TRAF3: variants seen among roughly 807,000 people sequenced by gnomAD.
The protein encoded by TRAF3 is TNF receptor-associated factor 3.
A neutral mutation model predicts 62.3 loss-of-function variants in TRAF3; 13 were observed. The observed-to-expected ratio is 0.21, with a 90% CI of 0.14 to 0.33. The LOEUF (loss-of-function observed/expected upper bound fraction) is 0.33, where lower values mean the gene tolerates loss of function less well. TRAF3 is among the 10% of genes least tolerant of loss of function. The pLI, the probability that TRAF3 is intolerant of heterozygous loss-of-function variation, is 1.00. For synonymous variants in TRAF3, 269 were observed against 283.4 expected (o/e 0.95, Z 0.51); for missense variants, 440 against 741.8 (o/e 0.59, Z 4.73).
rs558424969 is a variant in TRAF3 at position 102,813,641 on chromosome 14, G to A, written c.-156-16693G>A. On this transcript the variant is annotated intron_variant, in intron 1 of 11. Coordinates refer to ENST00000392745, the MANE Select transcript of TRAF3 (RefSeq NM_145725.3). ...AATTTTTGTATTTTTAATAGAGATG[G>A]GAGTTTGCCATGTTGGCCAGGCTGG... Among the ~76,000 whole-genome samples the A allele has an allele frequency of 4.6e-5, 7 of 151,870 alleles. No homozygotes were observed. The East Asian group carries it at 7.8e-4, about 17-fold the overall frequency.
chr14:102,824,025 T>C (rs1036959600), intron 1 of TRAF3, among the ~76,000 whole-genome samples: 1 of 152,242 alleles, frequency 6.6e-6, no homozygotes, highest in African/African-American at 2.4e-5. Flanking sequence ...GTTTGGGTTG[T>C]TTCTACTTTT....
chr14:102,815,183 C>T (rs1899440847), intron 1 of TRAF3, among the ~76,000 whole-genome samples: 1 of 152,134 alleles, frequency 6.6e-6, no homozygotes, highest in Non-Finnish European at 1.5e-5. Context: ...AAGCAGTTCT[C>T]CTGCTTCAGC....
chr14:102,886,257 C>T lies in TRAF3; in HGVS notation c.639C>T (p.Leu213=), dbSNP rs761996879. The T allele has an allele frequency of 6.2e-7, 1 of 1,611,818 alleles. No homozygotes were observed. Among genetic ancestry groups the T allele is most frequent in the Non-Finnish European group, 8.5e-7 (1 of 1,179,696 alleles). The change falls in exon 7 of 12, where the codon CTC becomes CTT. Residue 213 remains leucine (L), a synonymous_variant. Coordinates refer to ENST00000392745, the MANE Select transcript of TRAF3 (RefSeq NM_145725.3). ...CTCACAAGTGCAGCGTCCAGACTCT[C>T]CTGAGGAGCGAGGTAGGGGCGGCCG... ...SCPHKCSVQT[L]LRSELSAHLS...
intron 2 of TRAF3, among the ~76,000 whole-genome samples, chr14:102,837,137 TG>T (rs1174380287): frequency 7.4e-6 from 1 of 134,772 alleles, no homozygotes; most frequent in East Asian, 2.0e-4. Context: ...TGTGTGTGTG[TG>T]TGTGTTTTTT....
chr14:102,827,508 T>C (rs2180393), intron 1 of TRAF3, among the ~76,000 whole-genome samples: 60,376 of 152,142 alleles, frequency 0.4, 16,141 homozygotes, highest in African/African-American at 0.76. Flanking sequence ...TATTCTTAAA[T>C]ATTTTGTGCA....
intron 1 of TRAF3, among the ~76,000 whole-genome samples, chr14:102,830,088 C>A (rs1223765731): frequency 6.6e-6 from 1 of 152,210 alleles, no homozygotes; most frequent in African/African-American, 2.4e-5. Context: ...GGCCTGAGGT[C>A]GGAAGGTTGG....
At chr14:102,839,852 C>G (rs1886270040) in intron 2 of TRAF3, among the ~76,000 whole-genome samples, 3 of 152,196 alleles carry the variant, frequency 2.0e-5, no homozygotes, top group African/African-American at 7.2e-5. Flanking sequence ...ACATTCCCTA[C>G]TGTTAGCTGC....
chr14:102,899,356 A>G (rs1890162254), intron 10 of TRAF3, among the ~76,000 whole-genome samples: 2 of 152,000 alleles, frequency 1.3e-5, no homozygotes, highest in Non-Finnish European at 2.9e-5. Context: ...GGCCCCGCCT[A>G]CCCTCTTGAG....
intron 1 of TRAF3, among the ~76,000 whole-genome samples, chr14:102,795,555 T>C (rs894121150): frequency 6.8e-6 from 1 of 147,806 alleles, no homozygotes; most frequent in Admixed American, 6.9e-5. Context: ...GTTATATATA[T>C]ACACACACAT....
chr14:102,884,655 C>CA (rs1889259236), intron 6 of TRAF3, among the ~76,000 whole-genome samples: 2 of 151,854 alleles, frequency 1.3e-5, no homozygotes, highest in Non-Finnish European at 2.9e-5. Context: ...ACTAAAAATA[C>CA]AAAAAATTAG....
At chr14:102,892,663 G>T (rs183292698) in intron 9 of TRAF3, among the ~76,000 whole-genome samples, 1 of 152,236 alleles carries the variant, frequency 6.6e-6, no homozygotes. Flanking sequence ...TTTGAGTTTC[G>T]TAAAGATTTG....
At chr14:102,801,705 AAAAAAAATTTTTAATT>A (rs1898423739) in intron 1 of TRAF3, among the ~76,000 whole-genome samples, 1 of 151,834 alleles carries the variant, frequency 6.6e-6, no homozygotes, top group Admixed American at 6.6e-5. Context: ...TGCTTAATTT[AAAAAAAATTTTTAATT>A]AAAAAAATTT....
chr14:102,844,873 C>T (rs1011874129), intron 2 of TRAF3, among the ~76,000 whole-genome samples: 2 of 149,826 alleles, frequency 1.3e-5, no homozygotes, highest in Non-Finnish European at 3.0e-5. Flanking sequence ...AGACTCCCAC[C>T]TCTAAAAAAA....
At chr14:102,876,213 A>T (rs900973923) in intron 5 of TRAF3, 145 bp from the exon 6 acceptor site, 1 of 804,164 alleles carries the variant, frequency 1.2e-6, no homozygotes, top group Non-Finnish European at 2.1e-6. Flanking sequence ...CTCTTGGCAT[A>T]CTTGTTACTC....
intron 2 of TRAF3, among the ~76,000 whole-genome samples, chr14:102,833,333 C>CT (rs1389810384): frequency 2.6e-5 from 4 of 152,090 alleles, no homozygotes; most frequent in Non-Finnish European, 5.9e-5. Flanking sequence ...ACCAAGAAAT[C>CT]TTTTTTTTCT....
At chr14:102,858,380 C>T (rs1887499369) in intron 2 of TRAF3, among the ~76,000 whole-genome samples, 1 of 152,114 alleles carries the variant, frequency 6.6e-6, no homozygotes, top group South Asian at 2.1e-4. Flanking sequence ...CTCGAACTCC[C>T]AACCTCAGGT....
chr14:102,786,684 T>TAAA (rs563626261), intron 1 of TRAF3, among the ~76,000 whole-genome samples: 1 of 148,294 alleles, frequency 6.7e-6, no homozygotes, highest in Non-Finnish European at 1.5e-5. Context: ...TAAAACTGTC[T>TAAA]AAAAAAAAAA....
At chr14:102,839,584 A>C (rs1412185781) in intron 2 of TRAF3, among the ~76,000 whole-genome samples, 4 of 152,172 alleles carry the variant, frequency 2.6e-5, no homozygotes, top group Non-Finnish European at 5.9e-5. Context: ...CAGTGAAGAA[A>C]TTGACTTGGC....
chr14:102,870,492 C>T (rs370182290), intron 3 of TRAF3, 46 bp downstream of exon 3: 14 of 1,605,518 alleles, frequency 8.7e-6, no homozygotes, highest in African/African-American at 5.4e-5. Context: ...TCTCAGCCCT[C>T]GGCCTCACCC....
Sources: allele counts gnomAD v4.1 joint callset (sites outside exome capture counted in the v4.1 genomes callset), GRCh38; gene constraint gnomAD v4.1.1; transcripts MANE v1.5; gene names NCBI Gene and HGNC (gene_info 2026-07-23, HGNC 2026-07-21).